SPOCK3: variants seen among roughly 807,000 people sequenced by gnomAD.
SPOCK3 encodes the protein testican-3.
SPOCK3 carries 30 observed loss-of-function variants against 56.6 expected under a neutral mutation model. The observed-to-expected ratio is 0.53, with a 90% CI of 0.40 to 0.72. The LOEUF (loss-of-function observed/expected upper bound fraction) is 0.72, where lower values mean the gene tolerates loss of function less well. SPOCK3 is among the 30% of genes least tolerant of loss of function. The pLI, the probability that SPOCK3 is intolerant of heterozygous loss-of-function variation, is 0.00. For synonymous variants in SPOCK3, 196 were observed against 183.3 expected (o/e 1.07, Z -0.56); for missense variants, 527 against 530.0 (o/e 0.99, Z 0.06).
At chr4:166,912,933 C>T (rs1204459299) in intron 4 of SPOCK3, among the ~76,000 whole-genome samples, 190 bp from the exon 5 acceptor site, 1 of 152,098 alleles carries the variant, frequency 6.6e-6, no homozygotes, top group Non-Finnish European at 1.5e-5. Context: ...TATCTTAAGG[C>T]TTGCCTCTGA....
chr4:167,229,002 T>C (rs765667645), intron 2 of SPOCK3, among the ~76,000 whole-genome samples: 3 of 152,192 alleles, frequency 2.0e-5, no homozygotes, highest in African/African-American at 4.8e-5. Flanking sequence ...ACACTCATGA[T>C]AATGCACTCA....
At chr4:166,865,139 A>G (rs777942675) in intron 6 of SPOCK3, among the ~76,000 whole-genome samples, 2 of 152,164 alleles carry the variant, frequency 1.3e-5, no homozygotes, top group African/African-American at 2.4e-5. Flanking sequence ...ATACAAATCA[A>G]TAAAAGTAAT....
intron 3 of SPOCK3, among the ~76,000 whole-genome samples, chr4:167,004,307 G>A (rs1749248129): frequency 6.6e-6 from 1 of 151,714 alleles, no homozygotes; most frequent in Non-Finnish European, 1.5e-5. Context: ...ACAAAATGAA[G>A]CTCCAGTATA....
chr4:167,115,592 T>G (rs1004031491), intron 2 of SPOCK3, among the ~76,000 whole-genome samples: 3 of 151,974 alleles, frequency 2.0e-5, no homozygotes, highest in Non-Finnish European at 4.4e-5. Flanking sequence ...GATTTTCATG[T>G]TGGGGAATAG....
chr4:167,039,468 A>G (rs1446376852), intron 3 of SPOCK3, among the ~76,000 whole-genome samples: 2 of 152,162 alleles, frequency 1.3e-5, no homozygotes, highest in Non-Finnish European at 2.9e-5. Context: ...TTTTATTTCT[A>G]GAATTAACAA....
At chr4:166,740,950 A>C (rs576559120) in intron 9 of SPOCK3, among the ~76,000 whole-genome samples, 1 of 152,222 alleles carries the variant, frequency 6.6e-6, no homozygotes, top group Non-Finnish European at 1.5e-5. Context: ...TTTTATTACA[A>C]AACATTAAAC....
intron 3 of SPOCK3, among the ~76,000 whole-genome samples, chr4:167,060,534 T>C (rs1251995326): frequency 6.6e-6 from 1 of 152,096 alleles, no homozygotes; most frequent in Non-Finnish European, 1.5e-5. Context: ...CTAATTTTTG[T>C]TCGATTTTTA....
intron 5 of SPOCK3, among the ~76,000 whole-genome samples, chr4:166,900,511 G>A (rs547494396): frequency 1.3e-5 from 2 of 152,228 alleles, no homozygotes; most frequent in South Asian, 2.1e-4. Flanking sequence ...GATGCAAGGA[G>A]GCTATATATA....
intron 5 of SPOCK3, among the ~76,000 whole-genome samples, chr4:166,906,624 T>C (rs1438309720): frequency 1.3e-5 from 2 of 151,774 alleles, no homozygotes; most frequent in Non-Finnish European, 2.9e-5. Context: ...TCACAGAAAA[T>C]TGACAATATA....
At chr4:167,120,809 A>G (rs1022195373) in intron 2 of SPOCK3, among the ~76,000 whole-genome samples, 3 of 142,290 alleles carry the variant, frequency 2.1e-5, no homozygotes, top group South Asian at 4.6e-4. Flanking sequence ...TAAATAAAAG[A>G]TTCATTTTAG....
In SPOCK3 at chr4:166,771,788, C is replaced by T. The variant is rs77432376; in HGVS notation, c.710-17059G>A. ...ATACTTTTGTTTCACACTATATTGACAAAAACAGTACTTAATAATGTATTT... is the reference window on the plus strand; with the variant it reads ...ATACTTTTGTTTCACACTATATTGATAAAAACAGTACTTAATAATGTATTT... On this transcript the variant is annotated intron_variant, in intron 7 of 10. Transcript: ENST00000357545. Among the ~76,000 whole-genome samples the T allele has an allele frequency of 2.3e-3, 353 of 152,110 alleles. 2 individuals carry two copies. The highest frequency in any genetic ancestry group is 8.2e-3 in the African/African-American group (341 of 41,542).
chr4:167,122,649 C>T (rs1216547118), intron 2 of SPOCK3, among the ~76,000 whole-genome samples: 2 of 152,128 alleles, frequency 1.3e-5, no homozygotes, highest in East Asian at 3.9e-4. Context: ...TATGTTTATA[C>T]ATATCCGTTA....
intron 7 of SPOCK3, among the ~76,000 whole-genome samples, chr4:166,774,809 A>G (rs976759613): frequency 6.6e-6 from 1 of 152,186 alleles, no homozygotes; most frequent in Non-Finnish European, 1.5e-5. Context: ...CCTTATAGGA[A>G]TGGTGGAATC....
At chr4:166,813,594 A>G (rs1744069572) in intron 6 of SPOCK3, among the ~76,000 whole-genome samples, 1 of 152,014 alleles carries the variant, frequency 6.6e-6, no homozygotes, top group Non-Finnish European at 1.5e-5. Flanking sequence ...ATAACATAAC[A>G]TATGCTGCAT....
At chr4:167,038,260 T>G (rs1429266211) in intron 3 of SPOCK3, among the ~76,000 whole-genome samples, 2 of 152,110 alleles carry the variant, frequency 1.3e-5, no homozygotes, top group East Asian at 1.9e-4. Flanking sequence ...TTAGGACACT[T>G]TCAGTTGGAC....
intron 7 of SPOCK3, among the ~76,000 whole-genome samples, chr4:166,769,061 C>T (rs954913817): frequency 1.3e-5 from 2 of 152,148 alleles, no homozygotes; most frequent in Admixed American, 6.6e-5. Flanking sequence ...GACTTCTCTA[C>T]AGTGGTTATT....
chr4:166,973,615 GAAGA>G (rs1430056052), intron 4 of SPOCK3, among the ~76,000 whole-genome samples: 2 of 151,986 alleles, frequency 1.3e-5, no homozygotes, highest in African/African-American at 4.8e-5. Context: ...AGAAATATAA[GAAGA>G]AAGAAATATA....
intron 2 of SPOCK3, among the ~76,000 whole-genome samples, chr4:167,098,896 T>A (rs918831380): frequency 1.3e-5 from 2 of 152,048 alleles, no homozygotes; most frequent in African/African-American, 4.8e-5. Flanking sequence ...AAAATGCCTG[T>A]AACATTTTAT....
At chr4:166,805,777 AACTG>A (rs3077148) in intron 6 of SPOCK3, among the ~76,000 whole-genome samples, 11,222 of 152,096 alleles carry the variant, frequency 0.074, 963 homozygotes, top group African/African-American at 0.2. Context: ...ACATAATAAA[AACTG>A]ACTGGCTTTG....
Sources: allele counts gnomAD v4.1 joint callset (sites outside exome capture counted in the v4.1 genomes callset), GRCh38; gene constraint gnomAD v4.1.1; transcripts MANE v1.5; gene names NCBI Gene and HGNC (gene_info 2026-07-23, HGNC 2026-07-21).